Variants in NUTM2B observed in about 807,000 individuals in gnomAD.
NUTM2B encodes the protein family with sequence similarity 22, member B.
In NUTM2B, 2 loss-of-function variants were observed where a neutral mutation model predicts 42.4. The observed-to-expected ratio is 0.05, with a 90% CI of 0.02 to 0.15. The LOEUF is 0.15. Ranked by LOEUF, NUTM2B falls within the 10% of genes least tolerant of loss-of-function variation. The pLI, the probability that NUTM2B is intolerant of heterozygous loss-of-function variation, is 1.00. For synonymous variants in NUTM2B, 18 were observed against 402.4 expected, an observed-to-expected ratio of 0.04 and a Z score of 11.43; for missense variants, 58 against 952.6, an observed-to-expected ratio of 0.06 and a Z score of 12.36.
chr10:79,698,918 C>T (rs1350222826), upstream of NUTM2B, among the ~76,000 whole-genome samples: 3 of 152,116 alleles, frequency 2.0e-5, no homozygotes, highest in Non-Finnish European at 1.5e-5. Context: ...CATACAGTTC[C>T]ACAATACCTG....
chr10:79,692,180 T>C, the NUTM2B span: 7 of 151,990 alleles, frequency 4.6e-5, no homozygotes, highest in African/African-American at 1.7e-4. Context: ...GCTCTGAGTG[T>C]GGATGGGAGG....
chr10:79,694,218 CA>C, the NUTM2B span, among the ~76,000 whole-genome samples: 1 of 151,992 alleles, frequency 6.6e-6, no homozygotes, highest in Non-Finnish European at 1.5e-5. Flanking sequence ...GCCAACATGG[CA>C]AAACCCCATC....
chr10:79,698,206 A>G, the NUTM2B span, among the ~76,000 whole-genome samples: 1 of 150,858 alleles, frequency 6.6e-6, no homozygotes, highest in Non-Finnish European at 1.5e-5. Context: ...ATACTCTAAT[A>G]TACGCACACA....
chr10:79,696,811 A>G, the NUTM2B span, among the ~76,000 whole-genome samples: 1 of 152,224 alleles, frequency 6.6e-6, no homozygotes, highest in East Asian at 1.9e-4. Flanking sequence ...AGAACAGTCC[A>G]GAGAGTGCTT....
At chr10:79,693,556 A>T in the NUTM2B span, among the ~76,000 whole-genome samples, 15 of 152,328 alleles carry the variant, frequency 9.8e-5, no homozygotes, top group African/African-American at 3.6e-4. Flanking sequence ...CGATTCTAGC[A>T]ATTGCCATTC....
In NUTM2B at chr10:79,705,708, G is replaced by A. The variant is rs1208745973; in HGVS notation, c.383-334G>A. Among the ~76,000 whole-genome samples, 9 of 145,750 alleles carry A rather than the reference G, an allele frequency of 6.2e-5. 1 individual carries two copies. The highest frequency in any genetic ancestry group is 2.4e-4 in the South Asian group (1 of 4,108). ...TGAGCACGCTGAGGACCACCAGGCC[G>A]CTGAGAGACTCATCCCTGACCCATG... On this transcript the variant is annotated intron_variant, in intron 1 of 6. Coordinates refer to ENST00000429828, the Ensembl canonical transcript of NUTM2B.
At chr10:79,700,880 C>T (rs562346032), upstream of NUTM2B, among the ~76,000 whole-genome samples, 4 of 152,288 alleles carry the variant, frequency 2.6e-5, no homozygotes, top group East Asian at 1.9e-4. Flanking sequence ...AATGGAGGGA[C>T]GCGGCACCTG....
the NUTM2B span, among the ~76,000 whole-genome samples, chr10:79,695,021 G>A: frequency 6.6e-6 from 1 of 152,186 alleles, no homozygotes; most frequent in Admixed American, 6.5e-5. Context: ...TGGCTGCCCA[G>A]GCTCTGTGTC....
the NUTM2B span, among the ~76,000 whole-genome samples, chr10:79,694,231 TTACTAAAAA>T: frequency 6.6e-6 from 1 of 151,800 alleles, no homozygotes; most frequent in Non-Finnish European, 1.5e-5. Context: ...AACCCCATCT[TTACTAAAAA>T]TACAAAATTA....
intron 2 of NUTM2B, among the ~76,000 whole-genome samples, chr10:79,707,255 C>G (rs1722974109): frequency 7.6e-6 from 1 of 131,676 alleles, no homozygotes; most frequent in African/African-American, 2.9e-5. Context: ...GCACTGGGGC[C>G]GATGCCGGGC....
chr10:79,692,401 G>A, the NUTM2B span, among the ~76,000 whole-genome samples: 1 of 152,122 alleles, frequency 6.6e-6, no homozygotes, highest in South Asian at 2.1e-4. Context: ...TAAAATACTT[G>A]CCCAAGGTCA....
upstream of NUTM2B, among the ~76,000 whole-genome samples, chr10:79,701,176 T>C (rs1475553648): frequency 1.3e-5 from 2 of 152,110 alleles, no homozygotes; most frequent in Non-Finnish European, 2.9e-5. Context: ...AGTCTGGAGG[T>C]TCCATTAAAG....
chr10:79,702,447 G>A (rs567467159), upstream of NUTM2B, among the ~76,000 whole-genome samples: 2 of 150,752 alleles, frequency 1.3e-5, no homozygotes, highest in African/African-American at 2.4e-5. Context: ...CTGGGGCAGT[G>A]GGGGAGAACC....
At chr10:79,696,242 G>A in the NUTM2B span, among the ~76,000 whole-genome samples, 1 of 150,676 alleles carries the variant, frequency 6.6e-6, no homozygotes, top group Non-Finnish European at 1.5e-5. Flanking sequence ...CTTAAGTGGT[G>A]TAAGTATCTC....
chr10:79,693,322 C>T, the NUTM2B span, among the ~76,000 whole-genome samples: 1 of 152,318 alleles, frequency 6.6e-6, no homozygotes, highest in Admixed American at 6.5e-5. Context: ...CTATAGGGCA[C>T]CAGGGCCCAG....
At chr10:79,695,761 T>A in the NUTM2B span, among the ~76,000 whole-genome samples, 6 of 151,958 alleles carry the variant, frequency 3.9e-5, no homozygotes, top group African/African-American at 1.4e-4. Flanking sequence ...TCTTTCTGAC[T>A]GTGCTGATCA....
At chr10:79,699,932 C>T (rs914324852), upstream of NUTM2B, among the ~76,000 whole-genome samples, 10 of 152,250 alleles carry the variant, frequency 6.6e-5, no homozygotes, top group African/African-American at 2.4e-4. Flanking sequence ...ATAAATCTTC[C>T]TGACATTCTC....
chr10:79,705,581 A>T (rs9416178), intron 1 of NUTM2B, among the ~76,000 whole-genome samples: 9,889 of 146,446 alleles, frequency 0.068, 647 homozygotes, highest in African/African-American at 0.14. Flanking sequence ...AGGAAAAGGA[A>T]GATTGAAGAG....
chr10:79,700,904 G>T (rs1274938671), upstream of NUTM2B, among the ~76,000 whole-genome samples: 1 of 152,170 alleles, frequency 6.6e-6, no homozygotes, highest in East Asian at 1.9e-4. Flanking sequence ...GCTTCCTGGG[G>T]CCAGACAACG....
Sources: gnomAD v4.1 joint callset for allele counts (sites outside exome capture counted in the v4.1 genomes callset) on GRCh38, gnomAD v4.1.1 for gene constraint, MANE v1.5 for transcripts, NCBI Gene and HGNC (gene_info 2026-07-23, HGNC 2026-07-21) for gene names.